The following ATP8B4 variants were observed in gnomAD, a reference collection of about 807,000 sequenced individuals.
ATP8B4 encodes probable phospholipid-transporting ATPase IM.
A neutral mutation model predicts 145.6 loss-of-function variants in ATP8B4; 133 were observed. The ratio of observed to expected loss-of-function variants is 0.91; its 90% CI spans 0.79 to 1.05. The LOEUF (loss-of-function observed/expected upper bound fraction) is 1.05, where lower values mean the gene tolerates loss of function less well. Ranked by LOEUF, ATP8B4 falls within the 50% of genes least tolerant of loss-of-function variation. The pLI, the probability that ATP8B4 is intolerant of heterozygous loss-of-function variation, is 0.00. For synonymous variants in ATP8B4, 507 were observed against 492.9 expected, an observed-to-expected ratio of 1.03 and a Z score of -0.38; for missense variants, 1,458 against 1,425.2, an observed-to-expected ratio of 1.02 and a Z score of -0.37.
chr15:49,992,414 T>C (rs1264233344), intron 9 of ATP8B4, among the ~76,000 whole-genome samples: 1 of 152,202 alleles, frequency 6.6e-6, no homozygotes, highest in Non-Finnish European at 1.5e-5. Context: ...TGGCCTTGTG[T>C]TAAATATACA....
chr15:49,975,590 A>C (rs2045592111), intron 12 of ATP8B4, among the ~76,000 whole-genome samples: 1 of 152,188 alleles, frequency 6.6e-6, no homozygotes, highest in African/African-American at 2.4e-5. Context: ...GGTAGAGTCC[A>C]TAGATACAAA....
Position 49,925,747 on chromosome 15 carries a change from G to T in ATP8B4, c.1643-2253C>A, listed in dbSNP as rs142580704. 7.7e-4 allele frequency among the ~76,000 whole-genome samples: 117 copies of T among 152,106 alleles called. 1 individual carries two copies. Among genetic ancestry groups the T allele is most frequent in the African/African-American group, 2.7e-3 (111 of 41,508 alleles). ...TTGTCCCTTTAAATTTGATTTTGTG[G>T]AAATCCAATTTCATGGAATCCTGCT... On this transcript the variant is annotated intron_variant, in intron 16 of 27. Coordinates refer to ENST00000284509, the MANE Select transcript of ATP8B4 (RefSeq NM_024837.4).
At chr15:50,080,892 T>G (rs2054504383) in intron 2 of ATP8B4, among the ~76,000 whole-genome samples, 1 of 152,020 alleles carries the variant, frequency 6.6e-6, no homozygotes, top group African/African-American at 2.4e-5. Flanking sequence ...GGCAGGCGGA[T>G]CATGATGTCA....
chr15:49,884,123 T>C (rs2035854552), intron 23 of ATP8B4, among the ~76,000 whole-genome samples: 1 of 152,206 alleles, frequency 6.6e-6, no homozygotes, highest in Non-Finnish European at 1.5e-5. Flanking sequence ...TTAATAAAAG[T>C]ATTTAGATTT....
chr15:50,144,209 C>T (rs1595643236), intron 1 of ATP8B4, among the ~76,000 whole-genome samples: 1 of 152,092 alleles, frequency 6.6e-6, no homozygotes, highest in Non-Finnish European at 1.5e-5. Context: ...GTCCATTTCC[C>T]AGTATGAAAA....
At chr15:50,116,878 T>G (rs1274444959) in intron 1 of ATP8B4, among the ~76,000 whole-genome samples, 5 of 152,016 alleles carry the variant, frequency 3.3e-5, no homozygotes, top group African/African-American at 4.8e-5. Context: ...TCAATAATAT[T>G]TAATATTTAA....
rs957729680 is a variant in ATP8B4 at position 50,072,624 on chromosome 15, G to GT, written c.87+1502dup. On this transcript the variant is annotated intron_variant, in intron 3 of 27. Transcript: ENST00000284509. ...TCAGGACCTGGGAACTTTATCTTTT[G>GT]TTTTTTTTTCCTTTCGAGATGGAGT... is the stretch of plus-strand genomic sequence containing the variant. Among the ~76,000 whole-genome samples the GT allele has an allele frequency of 9.3e-5, 14 of 150,242 alleles. No individual in the cohort carries two copies. In the East Asian group the frequency reaches 1.2e-3, roughly 13 times the overall value.
At chr15:49,978,514 T>C (rs1289905518) in intron 12 of ATP8B4, among the ~76,000 whole-genome samples, 1 of 152,100 alleles carries the variant, frequency 6.6e-6, no homozygotes, top group African/African-American at 2.4e-5. Flanking sequence ...TGCTTCATCA[T>C]AGCTAGGTTT....
intron 6 of ATP8B4, among the ~76,000 whole-genome samples, chr15:50,029,238 T>TA (rs58363112): frequency 0.019 from 1,483 of 76,610 alleles, 57 homozygotes; most frequent in Middle Eastern, 0.048. Context: ...GACTCCATCT[T>TA]AAAAAAAAAA....
At chr15:49,928,267 A>G (rs1317449406) in intron 16 of ATP8B4, among the ~76,000 whole-genome samples, 2 of 152,128 alleles carry the variant, frequency 1.3e-5, no homozygotes, top group East Asian at 3.9e-4. Context: ...TTATTTGGAG[A>G]ATAGAAAAAG....
At chr15:49,920,224 C>A (rs750867334) in intron 18 of ATP8B4, 22 bp downstream of exon 18, 61 of 1,611,006 alleles carry the variant, frequency 3.8e-5, no homozygotes, top group Non-Finnish European at 5.0e-5. Context: ...AAACACAAAC[C>A]ATCATGCTTC....
At chr15:50,068,633 G>A (rs1437231920) in intron 3 of ATP8B4, among the ~76,000 whole-genome samples, 2 of 152,144 alleles carry the variant, frequency 1.3e-5, no homozygotes, top group Admixed American at 6.5e-5. Flanking sequence ...AATATATTCA[G>A]ATAAAATTTA....
At chr15:50,069,039 AT>A (rs1156268955) in intron 3 of ATP8B4, among the ~76,000 whole-genome samples, 1 of 152,188 alleles carries the variant, frequency 6.6e-6, no homozygotes, top group African/African-American at 2.4e-5. Context: ...ACATTAACAT[AT>A]TTTAAAACAA....
chr15:49,934,114 A>G lies in ATP8B4; in HGVS notation c.1356T>C (p.His452=), dbSNP rs1472341833. ...ADREFQFFDH[H]LMESIKMGDP... is the part of the protein sequence containing the mutation. ...CACCCATTTTAATGGATTCCATCAGATGGTGGTCAAAGAACTGAAATTCTC... is the reference window on the plus strand; with the variant it reads ...CACCCATTTTAATGGATTCCATCAGGTGGTGGTCAAAGAACTGAAATTCTC... Residue 452 remains histidine, a synonymous_variant, in exon 15 of 28, where the codon CAT becomes CAC. Coordinates refer to ENST00000284509, the MANE Select transcript of ATP8B4 (RefSeq NM_024837.4). The G allele has an allele frequency of 1.2e-6, 2 of 1,612,848 alleles. No homozygotes were observed. Among genetic ancestry groups the G allele is most frequent in the Admixed American group, 3.3e-5 (2 of 59,846 alleles).
At chr15:50,004,078 T>C (rs2048121541) in intron 7 of ATP8B4, among the ~76,000 whole-genome samples, 2 of 152,196 alleles carry the variant, frequency 1.3e-5, no homozygotes, top group African/African-American at 4.8e-5. Flanking sequence ...TTTGATGTTC[T>C]CTGAACCTTC....
chr15:49,944,442 G>A (rs1274745010), intron 14 of ATP8B4, among the ~76,000 whole-genome samples: 1 of 152,044 alleles, frequency 6.6e-6, no homozygotes, highest in South Asian at 2.1e-4. Context: ...AGACACAGCA[G>A]ACTTTAAGTC....
chr15:50,175,112 G>T (rs1256004859), intron 1 of ATP8B4, among the ~76,000 whole-genome samples: 1 of 152,190 alleles, frequency 6.6e-6, no homozygotes, highest in Admixed American at 6.5e-5. Flanking sequence ...AATGAAACTG[G>T]ATCCTCATCT....
chr15:50,066,568 A>C (rs896324572), intron 3 of ATP8B4, among the ~76,000 whole-genome samples: 1 of 152,204 alleles, frequency 6.6e-6, no homozygotes, highest in African/African-American at 2.4e-5. Flanking sequence ...ATGTGTTTCA[A>C]CATGGTGACA....
chr15:49,981,091 C>A (rs113514181), intron 11 of ATP8B4, 115 bp downstream of exon 11: 12 of 839,406 alleles, frequency 1.4e-5, no homozygotes, highest in African/African-American at 8.6e-5. Context: ...AATGCAAAAT[C>A]CCCAAAAACA....
Sources: gnomAD v4.1 joint callset for allele counts (sites outside exome capture counted in the v4.1 genomes callset) on GRCh38, gnomAD v4.1.1 for gene constraint, MANE v1.5 for transcripts, NCBI Gene and HGNC (gene_info 2026-07-23, HGNC 2026-07-21) for gene names.